PLD1: variants seen among roughly 807,000 people sequenced by gnomAD.
The protein encoded by PLD1 is phospholipase D1.
Under a neutral mutation model 137.1 loss-of-function variants are expected in PLD1, and 112 were observed. The ratio of observed to expected loss-of-function variants is 0.82; its 90% confidence interval spans 0.70 to 0.96. The LOEUF (loss-of-function observed/expected upper bound fraction) is 0.96, where lower values mean the gene tolerates loss of function less well. Among genes scored for constraint, PLD1 ranks in the 40% least tolerant of loss-of-function variants. PLD1 has a pLI of 0.00. For missense variants in PLD1, 1,321 were observed against 1,342.0 expected, an observed-to-expected ratio of 0.98 and a Z score of 0.24; for synonymous variants, 431 against 454.7, an observed-to-expected ratio of 0.95 and a Z score of 0.66.
intron 25 of PLD1, among the ~76,000 whole-genome samples, chr3:171,609,541 CA>C (rs2108263811): frequency 1.4e-5 from 2 of 146,662 alleles, no homozygotes; most frequent in South Asian, 4.2e-4. Flanking sequence ...CACACACACA[CA>C]CACACACACA....
intron 1 of PLD1, chr3:171,765,599 G>C (rs1721925219): frequency 1.3e-5 from 2 of 152,164 alleles, no homozygotes; most frequent in African/African-American, 4.8e-5. Flanking sequence ...GACCCCAAAA[G>C]CTTCCATTCG....
intron 1 of PLD1, chr3:171,765,574 G>A (rs925154954): frequency 6.6e-6 from 1 of 152,188 alleles, no homozygotes; most frequent in African/African-American, 2.4e-5. Flanking sequence ...AAGAGCAGCA[G>A]AGGGGGAATC....
intron 19 of PLD1, chr3:171,666,212 C>G (rs1273393765): frequency 1.3e-5 from 2 of 152,280 alleles, no homozygotes; most frequent in African/African-American, 4.8e-5. Flanking sequence ...TAAAGACCTA[C>G]CAGAGACTGG....
intron 12 of PLD1, among the ~76,000 whole-genome samples, chr3:171,693,095 T>C (rs1715354314): frequency 1.3e-5 from 2 of 152,206 alleles, no homozygotes; most frequent in South Asian, 4.1e-4. Context: ...ATAGACAAGG[T>C]CACCGTGGCC....
At chr3:171,627,059 C>T (rs1211534145) in intron 23 of PLD1, among the ~76,000 whole-genome samples, 3 of 152,056 alleles carry the variant, frequency 2.0e-5, no homozygotes, top group Non-Finnish European at 2.9e-5. Flanking sequence ...AAGACACAGA[C>T]TGGCAAATTG....
intron 1 of PLD1, among the ~76,000 whole-genome samples, chr3:171,756,221 T>C (rs1360408256): frequency 2.0e-5 from 3 of 152,246 alleles, no homozygotes; most frequent in Non-Finnish European, 4.4e-5. Context: ...GTGGTCTTGA[T>C]GCTGTGGTCC....
chr3:171,672,389 C>T (rs1443442996), intron 19 of PLD1, among the ~76,000 whole-genome samples: 1 of 152,124 alleles, frequency 6.6e-6, no homozygotes, highest in Non-Finnish European at 1.5e-5. Flanking sequence ...TGTTAAATAT[C>T]CTTGGCTTTG....
chr3:171,685,260 A>G (rs1449011445), intron 16 of PLD1, among the ~76,000 whole-genome samples: 2 of 152,202 alleles, frequency 1.3e-5, no homozygotes, highest in Admixed American at 1.3e-4. Context: ...GAATGCTGGG[A>G]ATCATTACTC....
chr3:171,713,671 G>A (rs1187772513), intron 9 of PLD1, among the ~76,000 whole-genome samples: 17 of 151,966 alleles, frequency 1.1e-4, no homozygotes, highest in Admixed American at 1.1e-3. Context: ...TGTTAACATA[G>A]GCAAACATCT....
At chr3:171,780,982 T>C (rs919250918) in intron 1 of PLD1, among the ~76,000 whole-genome samples, 1 of 152,158 alleles carries the variant, frequency 6.6e-6, no homozygotes, top group African/African-American at 2.4e-5. Flanking sequence ...TGTATAGAAA[T>C]TCAAAGGATT....
intron 21 of PLD1, 112 bp downstream of exon 21, chr3:171,659,101 C>A: frequency 1.3e-6 from 1 of 753,158 alleles, no homozygotes; most frequent in Non-Finnish European, 2.3e-6. Flanking sequence ...CTGGCTGAAC[C>A]AAATTTAAGC....
In PLD1 at chr3:171,708,851, T is replaced by C. The variant is rs775554299; in HGVS notation, c.1062-13A>G. The C allele has an allele frequency of 6.8e-7, 1 of 1,471,632 alleles. No homozygotes were observed. Among genetic ancestry groups the C allele is most frequent in the African/African-American group, 1.4e-5 (1 of 72,008 alleles). 91.2% of individuals were successfully genotyped at this position (1,471,632 alleles called of 1,614,324 possible). A position where few individuals can be genotyped will look rare whatever the true frequency, so the allele number is the denominator to read the frequency against. On this transcript the variant is annotated splice_polypyrimidine_tract_variant and intron_variant, in intron 10 of 26. Transcript: ENST00000351298. Reference sequence around the variant, plus strand: ...GGCATTAACATACCTGAAAGACAAGTTTATTGTTCCTTTTTGTTATTAAAA... The same window carrying C: ...GGCATTAACATACCTGAAAGACAAGCTTATTGTTCCTTTTTGTTATTAAAA...
At chr3:171,801,027 T>C (rs1723623897) in intron 1 of PLD1, among the ~76,000 whole-genome samples, 1 of 152,286 alleles carries the variant, frequency 6.6e-6, no homozygotes, top group East Asian at 1.9e-4. Flanking sequence ...AACAAAGCAG[T>C]TTGAAAATCA....
At chr3:171,701,609 G>A (rs931706167) in intron 11 of PLD1, among the ~76,000 whole-genome samples, 2 of 152,164 alleles carry the variant, frequency 1.3e-5, no homozygotes, top group Admixed American at 6.5e-5. Context: ...TAGCTCTTGA[G>A]GAGCCCTCAA....
intron 1 of PLD1, among the ~76,000 whole-genome samples, chr3:171,808,867 C>T (rs1307209016): frequency 2.3e-5 from 3 of 133,044 alleles, no homozygotes; most frequent in Non-Finnish European, 4.7e-5. Flanking sequence ...CCCTGTCGCC[C>T]AGGCTGGCGT....
intron 18 of PLD1, among the ~76,000 whole-genome samples, chr3:171,675,177 A>G (rs1713226734): frequency 6.6e-6 from 1 of 152,136 alleles, no homozygotes; most frequent in Non-Finnish European, 1.5e-5. Flanking sequence ...CAGGTTAAAT[A>G]TAATCTGTAG....
intron 1 of PLD1, among the ~76,000 whole-genome samples, chr3:171,744,411 G>C (rs1258338404): frequency 6.6e-5 from 10 of 152,072 alleles, no homozygotes; most frequent in Admixed American, 6.5e-4. Flanking sequence ...TTATGTCTAT[G>C]GTTCTAAGAG....
chr3:171,668,732 T>G (rs1298421878), intron 19 of PLD1, among the ~76,000 whole-genome samples: 2 of 152,218 alleles, frequency 1.3e-5, no homozygotes, highest in Admixed American at 6.5e-5. Context: ...TGGTTTCTAC[T>G]ATGAGCTTTA....
intron 1 of PLD1, among the ~76,000 whole-genome samples, chr3:171,760,702 T>A (rs1221057036): frequency 6.6e-6 from 1 of 152,172 alleles, no homozygotes; most frequent in Non-Finnish European, 1.5e-5. Flanking sequence ...AGGGAGCACC[T>A]GGCAGGGTAA....
Sources: gnomAD v4.1 joint callset for allele counts (sites outside exome capture counted in the v4.1 genomes callset) on GRCh38, gnomAD v4.1.1 for gene constraint, MANE v1.5 for transcripts, NCBI Gene and HGNC (gene_info 2026-07-23, HGNC 2026-07-21) for gene names.